The following MAP9 variants were observed in gnomAD, a reference collection of about 807,000 sequenced individuals.
MAP9 encodes microtubule associated protein 9.
In MAP9, 80 loss-of-function variants were observed where a neutral mutation model predicts 75.2. That is an observed-to-expected ratio of 1.06 (90% CI 0.89 to 1.28). The LOEUF (loss-of-function observed/expected upper bound fraction) is 1.28, where lower values mean the gene tolerates loss of function less well. MAP9 is among the 50% of genes most tolerant of loss of function. The pLI, the probability that MAP9 is intolerant of heterozygous loss-of-function variation, is 0.00. For synonymous variants in MAP9, 235 were observed against 237.3 expected, an observed-to-expected ratio of 0.99 and a Z score of 0.09; for missense variants, 753 against 719.9, an observed-to-expected ratio of 1.05 and a Z score of -0.53.
chr4:155,368,267 G>C, intron 5 of MAP9: 1 of 500,764 alleles, frequency 2.0e-6, no homozygotes, highest in Non-Finnish European at 3.5e-6. Flanking sequence ...TATAGATTCA[G>C]AAAAGCAACA....
intron 9 of MAP9, 138 bp downstream of exon 9, chr4:155,355,578 T>A: frequency 1.7e-6 from 1 of 573,848 alleles, no homozygotes. Flanking sequence ...ATTACTCATG[T>A]ATTAAAAGGA....
rs78525592 is a variant in MAP9 at position 155,360,262 on chromosome 4, G to A, written c.956C>T (p.Ala319Val). Reference sequence around the variant, plus strand: ...TCTGTCATCATCCATAATCAGTTCCGCTTTTGCCTTTTCTTCTTCAAGGTC... The same window carrying A: ...TCTGTCATCATCCATAATCAGTTCCACTTTTGCCTTTTCTTCTTCAAGGTC... ...ADDLEEEKAK[A>V]ELIMDDDRTV... The change falls in exon 7 of 14, where the codon GCG (alanine) becomes GTG (valine). Residue 319 changes from alanine (A) to valine (V), a missense_variant. Transcript: ENST00000311277. The A allele has an allele frequency of 5.6e-5, 91 of 1,613,148 alleles. No individual in the cohort carries two copies. The East Asian group carries it at 1.5e-3, about 26-fold the overall frequency.
intron 3 of MAP9, among the ~76,000 whole-genome samples, chr4:155,373,678 C>T (rs1732707338): frequency 6.6e-6 from 1 of 152,098 alleles, no homozygotes. Flanking sequence ...TTAATTTATT[C>T]AAAATGTATT....
At chr4:155,356,452 T>C (rs544573626) in intron 8 of MAP9, among the ~76,000 whole-genome samples, 1 of 152,264 alleles carries the variant, frequency 6.6e-6, no homozygotes, top group African/African-American at 2.4e-5. Flanking sequence ...TTTAAAATGA[T>C]TGCTCTTTTT....
chr4:155,348,103 A>T (rs1275243846), intron 13 of MAP9, among the ~76,000 whole-genome samples, 198 bp from the exon 14 acceptor site: 1 of 152,178 alleles, frequency 6.6e-6, no homozygotes, highest in African/African-American at 2.4e-5. Context: ...TAGGAGACTA[A>T]GGTGGGTGGA....
intron 6 of MAP9, chr4:155,361,389 T>C (rs1355099794): frequency 2.6e-5 from 4 of 152,040 alleles, no homozygotes; most frequent in South Asian, 2.1e-4. Flanking sequence ...TGATACTACA[T>C]AGTAAGCACT....
chr4:155,347,604 T>C lies in MAP9; in HGVS notation c.*179A>G, dbSNP rs2111175102. The stretch of plus-strand genomic sequence containing the variant: ...AGGTCTTTGTTTGAGGCAGTTTATC[T>C]ACAGTTCAAAAAAATGCTTTCACTG... On this transcript the variant is annotated 3_prime_UTR_variant, in exon 14 of 14. Coordinates refer to ENST00000311277, the MANE Select transcript of MAP9 (RefSeq NM_001039580.2). The C allele has an allele frequency of 3.6e-6, 2 of 551,974 alleles. No homozygotes were observed. Among genetic ancestry groups the C allele is most frequent in the Admixed American group, 7.5e-5 (2 of 26,626 alleles). The allele number at this position is 551,974 out of a possible 1,614,324, so 34.2% of individuals were successfully genotyped here.
chr4:155,356,086 G>C (rs1439491582), intron 8 of MAP9, among the ~76,000 whole-genome samples: 1 of 152,126 alleles, frequency 6.6e-6, no homozygotes, highest in African/African-American at 2.4e-5. Flanking sequence ...GGGCAACATG[G>C]TGAAACCCTG....
At position 155,360,416 on chromosome 4, in the gene MAP9, C is replaced by T. The variant is rs747647036; in HGVS notation, c.803-1G>A. On this transcript the variant is annotated splice_acceptor_variant, in intron 6 of 13. Coordinates refer to ENST00000311277, the MANE Select transcript of MAP9 (RefSeq NM_001039580.2). LOFTEE classifies it high-confidence loss of function. ...TTTTCAGTGATTTCTTCATTTGGAT[C>T]TATTTTGAGACAGAGTAATAGCATT... 1 of 1,608,282 alleles carries T rather than the reference C, an allele frequency of 6.2e-7. No individual in the cohort carries two copies. The highest frequency in any genetic ancestry group is 1.3e-5 in the African/African-American group (1 of 74,824).
chr4:155,355,121 G>T lies in MAP9; in HGVS notation c.1330C>A (p.His444Asn). 2 of 1,406,054 alleles carry T rather than the reference G, an allele frequency of 1.4e-6. No individual in the cohort carries two copies. The highest frequency in any genetic ancestry group is 1.9e-6 in the Non-Finnish European group (2 of 1,035,370). The allele number at this position is 1,406,054 out of a possible 1,614,324, so 87.1% of individuals were successfully genotyped here. A position where few individuals can be genotyped will look rare whatever the true frequency, so the allele number is the denominator to read the frequency against. The stretch of plus-strand genomic sequence containing the variant: ...TCACTTTCAATTCTTTTTATTCTGT[G>T]CATTTCATGTAAATACACATTTTTC... ...EKKNVYLHEM[H>N]RIKRIESENL... Residue 444 changes from histidine to asparagine, a missense_variant, in exon 10 of 14, where the codon CAC (histidine) becomes AAC (asparagine). His to Asn is a moderately conservative substitution (Grantham distance 68, BLOSUM62 1). Transcript: ENST00000311277.
chr4:155,367,166 T>A, intron 5 of MAP9: 1 of 152,118 alleles, frequency 6.6e-6, no homozygotes, highest in East Asian at 1.9e-4. Context: ...AAATAAGGTG[T>A]TTACAGCTTT....
Position 155,373,467 on chromosome 4 carries a change from G to A in MAP9, c.161-11C>T, listed in dbSNP as rs746061038. The A allele has an allele frequency of 3.3e-5, 47 of 1,429,962 alleles. No individual in the cohort carries two copies. Among genetic ancestry groups the A allele is most frequent in the African/African-American group, 7.3e-5 (3 of 41,216 alleles). The allele number at this position is 1,429,962 out of a possible 1,614,324, so 88.6% of individuals were successfully genotyped here. ...AATCACCTAAAGAAACTGAAAAATGGAAAAGAAAAATGTTTTCAACAGTAT... is the reference window on the plus strand; with the variant it reads ...AATCACCTAAAGAAACTGAAAAATGAAAAAGAAAAATGTTTTCAACAGTAT... On this transcript the variant is annotated splice_polypyrimidine_tract_variant and intron_variant, in intron 3 of 13. Coordinates refer to ENST00000311277, the MANE Select transcript of MAP9 (RefSeq NM_001039580.2).
intron 4 of MAP9, among the ~76,000 whole-genome samples, chr4:155,371,931 G>T (rs1292528128): frequency 6.6e-6 from 1 of 152,010 alleles, no homozygotes; most frequent in Non-Finnish European, 1.5e-5. Flanking sequence ...CAAGTTAATT[G>T]TTTCATTATG....
rs988621920 is a variant in MAP9, at chr4:155,346,513, C to T, written c.*1270G>A. On this transcript the variant is annotated 3_prime_UTR_variant, in exon 14 of 14. Transcript: ENST00000311277. ...TCAGAAGGAGGCAGATTCAGTCAGA[C>T]GTACTGAATCCCGTTTGATCTCAAC... 2.0e-5 allele frequency: 3 copies of T among 152,080 alleles called. No homozygotes were observed. The highest frequency in any genetic ancestry group is 1.3e-4 in the Admixed American group (2 of 15,234). The allele number at this position is 152,080 out of a possible 1,614,324, so 9.4% of individuals were successfully genotyped here. A position where few individuals can be genotyped will look rare whatever the true frequency, so the allele number is the denominator to read the frequency against.
intron 5 of MAP9, among the ~76,000 whole-genome samples, chr4:155,366,320 C>G (rs1011356261): frequency 2.0e-5 from 3 of 150,200 alleles, no homozygotes. Flanking sequence ...GATTGCACCA[C>G]TGCACTCCAG....
chr4:155,368,526 A>G, intron 5 of MAP9, 60 bp downstream of exon 5: 1 of 1,324,224 alleles, frequency 7.6e-7, no homozygotes, highest in Non-Finnish European at 1.1e-6. Context: ...TCTTTTTCAT[A>G]ATCAGATAAA....
In MAP9 at chr4:155,344,114, C is replaced by T. The variant is rs939185353; in HGVS notation, c.*3669G>A. 6.6e-6 allele frequency: 1 copy of T among 151,840 alleles called. No individual in the cohort carries two copies. Among genetic ancestry groups the T allele is most frequent in the Non-Finnish European group, 1.5e-5 (1 of 67,844 alleles). The allele number at this position is 151,840 out of a possible 1,614,324, so 9.4% of individuals were successfully genotyped here. ...TAATTTCCCCTACTTTGTGAAATTC[C>T]TTTTCTTTATTGTATCTTAGTCCAT... On this transcript the variant is annotated 3_prime_UTR_variant, in exon 14 of 14. Coordinates refer to ENST00000311277, the MANE Select transcript of MAP9 (RefSeq NM_001039580.2).
Position 155,373,232 on chromosome 4 carries a change from A to G in MAP9, c.385T>C (p.Phe129Leu), listed in dbSNP as rs1732683285. Reference sequence around the variant, plus strand: ...TCATCCTTATTTTGAGATTCAGAGAAAGATTTTACAACAATGTCTTCACAC... The same window carrying G: ...TCATCCTTATTTTGAGATTCAGAGAGAGATTTTACAACAATGTCTTCACAC... The part of the protein sequence containing the change: ...DGCEDIVVKS[F>L]SESQNKDEEF... Residue 129 changes from phenylalanine (F) to leucine (L), a missense_variant, in exon 4 of 14, where the codon TTC (phenylalanine) becomes CTC (leucine). Physicochemically the swap from Phe to Leu is conservative, Grantham distance 22. Transcript: ENST00000311277. 2 of 1,610,510 alleles carry G rather than the reference A, an allele frequency of 1.2e-6. No individual in the cohort carries two copies. The highest frequency in any genetic ancestry group is 2.2e-5 in the East Asian group (1 of 44,754).
Position 155,352,607 on chromosome 4 carries a change from C to T in MAP9, c.1810G>A (p.Glu604Lys). The T allele has an allele frequency of 6.4e-7, 1 of 1,568,584 alleles. No homozygotes were observed. Among genetic ancestry groups the T allele is most frequent in the Admixed American group, 1.9e-5 (1 of 53,930 alleles). The change falls in exon 13 of 14, where the codon GAA becomes AAA. Residue 604 changes from glutamate (E) to lysine (K), a missense_variant. Glu to Lys is a moderately conservative substitution (Grantham distance 56). Coordinates refer to ENST00000311277, the MANE Select transcript of MAP9 (RefSeq NM_001039580.2). The stretch of plus-strand genomic sequence containing the variant: ...CAAATAATACCTACCAGCCATTTTT[C>T]ATATTCATTAATAGCTTGTTTATCT... ...DKDKQAINEY[E>K]KWLENKEKQE...
Sources: allele counts gnomAD v4.1 joint callset (sites outside exome capture counted in the v4.1 genomes callset), GRCh38; gene constraint gnomAD v4.1.1; transcripts MANE v1.5; gene names NCBI Gene and HGNC (gene_info 2026-07-23, HGNC 2026-07-21).